Variants in FRMPD4 observed in about 807,000 individuals in gnomAD.
FRMPD4 encodes the protein FERM and PDZ domain containing 4.
FRMPD4 carries 22 observed loss-of-function variants against 94.1 expected under a neutral mutation model. That is an observed-to-expected ratio of 0.23 (90% CI 0.17 to 0.33). FRMPD4 has a LOEUF of 0.33. Among genes scored for constraint, FRMPD4 ranks in the 10% least tolerant of loss-of-function variants. The probability of loss-of-function intolerance (pLI) is 1.00; values close to 1 mark genes in which losing one functional copy is unlikely to be tolerated. For synonymous variants in FRMPD4, 631 were observed against 548.6 expected, an observed-to-expected ratio of 1.15 and a Z score of -2.10; for missense variants, 1,111 against 1,339.9, an observed-to-expected ratio of 0.83 and a Z score of 2.67.
At chrX:12,380,492 G>A (rs1306821304) in intron 1 of FRMPD4, among the ~76,000 whole-genome samples, 5 of 111,992 alleles carry the variant, frequency 4.5e-5, no homozygotes, top group Non-Finnish European at 7.5e-5. Context: ...AATAAGCTGG[G>A]CCTTTGTTCC....
At chrX:12,627,132 C>T (rs958037656) in intron 4 of FRMPD4, among the ~76,000 whole-genome samples, 5 of 111,058 alleles carry the variant, frequency 4.5e-5, no homozygotes, top group African/African-American at 9.8e-5. Context: ...AAAAATTAGC[C>T]GGGCATGGTG....
At chrX:12,686,251 C>T in intron 7 of FRMPD4, 47 bp downstream of exon 7, 1 of 599,033 alleles carries the variant, frequency 1.7e-6, no homozygotes, top group Non-Finnish European at 2.8e-6. Flanking sequence ...TCAGGTACAA[C>T]ATGCAGGACA....
intron 3 of FRMPD4, among the ~76,000 whole-genome samples, chrX:12,057,942 A>G (rs765422358): frequency 9.0e-6 from 1 of 111,237 alleles, no homozygotes; most frequent in Admixed American, 9.7e-5. Flanking sequence ...TGAGTTTACT[A>G]GACAGTTTAG....
At chrX:12,342,839 G>T (rs1450309408) in intron 1 of FRMPD4, among the ~76,000 whole-genome samples, 4 of 112,085 alleles carry the variant, frequency 3.6e-5, no homozygotes, top group Admixed American at 1.9e-4. Flanking sequence ...TATTCCTCAT[G>T]ATGAGGTGAT....
chrX:12,298,017 A>G (rs1172595316), intron 1 of FRMPD4, among the ~76,000 whole-genome samples: 1 of 111,983 alleles, frequency 8.9e-6, no homozygotes, highest in Non-Finnish European at 1.9e-5. Context: ...TTAAGTATGT[A>G]GGCCATAGGA....
chrX:12,020,182 CTTTAA>C (rs1372214261), intron 3 of FRMPD4, among the ~76,000 whole-genome samples: 1 of 111,922 alleles, frequency 8.9e-6, no homozygotes. Flanking sequence ...GGTGCTAACT[CTTTAA>C]TTTAAAAAGT....
At chrX:12,111,908 C>T (rs2055365999) in intron 3 of FRMPD4, among the ~76,000 whole-genome samples, 1 of 111,276 alleles carries the variant, frequency 9.0e-6, no homozygotes, top group South Asian at 3.8e-4. Flanking sequence ...ATTAAAAAGT[C>T]AGGAAACAAC....
At chrX:12,214,589 CACAAATGACAGAGA>C (rs1487108711) in intron 1 of FRMPD4, among the ~76,000 whole-genome samples, 3 of 112,413 alleles carry the variant, frequency 2.7e-5, no homozygotes, top group Non-Finnish European at 1.9e-5. Context: ...AACTCTATAA[CACAAATGACAGAGA>C]ATTCTTTCTC....
intron 1 of FRMPD4, among the ~76,000 whole-genome samples, chrX:12,383,006 G>T (rs1433730359): frequency 9.0e-6 from 1 of 111,298 alleles, no homozygotes; most frequent in Non-Finnish European, 1.9e-5. Flanking sequence ...TTTCCCATAG[G>T]GCTGGTATTA....
At chrX:11,870,692 A>G (rs2053751347) in intron 2 of FRMPD4, among the ~76,000 whole-genome samples, 1 of 111,555 alleles carries the variant, frequency 9.0e-6, no homozygotes, top group African/African-American at 3.3e-5. Context: ...GGGTCTATGA[A>G]ACGTGAAAAT....
At chrX:12,292,970 A>T (rs773866414) in intron 1 of FRMPD4, among the ~76,000 whole-genome samples, 31 of 102,897 alleles carry the variant, frequency 3.0e-4, no homozygotes, top group Admixed American at 2.9e-3. Context: ...TAGAATATGG[A>T]TTTTTTTTTT....
intron 1 of FRMPD4, among the ~76,000 whole-genome samples, chrX:12,139,336 G>T (rs1339614117): frequency 9.0e-6 from 1 of 111,350 alleles, no homozygotes; most frequent in East Asian, 2.8e-4. Context: ...GAAGATGGTT[G>T]TAATTGCTAC....
intron 3 of FRMPD4, among the ~76,000 whole-genome samples, chrX:11,976,994 A>G (rs1377751340): frequency 9.0e-6 from 1 of 111,226 alleles, no homozygotes; most frequent in Non-Finnish European, 1.9e-5. Context: ...GCTTTTGCTC[A>G]TTTGTTTGTT....
chrX:12,550,755 A>C (rs1189445751), intron 2 of FRMPD4, among the ~76,000 whole-genome samples: 2 of 110,564 alleles, frequency 1.8e-5, no homozygotes, highest in Non-Finnish European at 3.8e-5. Flanking sequence ...ATCATACTTG[A>C]TCCTCATAAG....
intron 1 of FRMPD4, among the ~76,000 whole-genome samples, chrX:12,215,570 C>A (rs911729619): frequency 2.7e-5 from 3 of 111,844 alleles, no homozygotes; most frequent in African/African-American, 6.5e-5. Flanking sequence ...GTTATTTAAT[C>A]CTCATAGTGA....
intron 2 of FRMPD4, among the ~76,000 whole-genome samples, chrX:12,538,738 G>A (rs933522906): frequency 8.9e-6 from 1 of 112,303 alleles, no homozygotes; most frequent in Admixed American, 9.4e-5. Flanking sequence ...ACCTGCAGCT[G>A]AGGGTCCTGA....
At chrX:11,981,368 C>G (rs888801448) in intron 3 of FRMPD4, among the ~76,000 whole-genome samples, 1 of 111,444 alleles carries the variant, frequency 9.0e-6, no homozygotes, top group Non-Finnish European at 1.9e-5. Flanking sequence ...TGCTTAATAT[C>G]TTTTGATGCT....
chrX:12,192,312 G>A (rs914756242), intron 1 of FRMPD4, among the ~76,000 whole-genome samples: 3 of 111,845 alleles, frequency 2.7e-5, no homozygotes, highest in Admixed American at 9.4e-5. Flanking sequence ...TATATGGCAC[G>A]GCCATCCTTG....
intron 4 of FRMPD4, among the ~76,000 whole-genome samples, chrX:12,669,959 A>C (rs1483342716): frequency 8.9e-6 from 1 of 112,323 alleles, no homozygotes; most frequent in African/African-American, 3.2e-5. Flanking sequence ...AGCCATAGGA[A>C]TCTAATACAG....
Sources: allele counts gnomAD v4.1 joint callset (sites outside exome capture counted in the v4.1 genomes callset), GRCh38; gene constraint gnomAD v4.1.1; transcripts MANE v1.5; gene names NCBI Gene and HGNC (gene_info 2026-07-23, HGNC 2026-07-21).